The following PCYT1A variants were observed in gnomAD, a reference collection of about 807,000 sequenced individuals.
PCYT1A encodes the protein choline-phosphate cytidylyltransferase A.
PCYT1A carries 25 observed loss-of-function variants against 43.7 expected under a neutral mutation model. The observed-to-expected ratio is 0.57, with a 90% CI of 0.42 to 0.80. PCYT1A has a LOEUF of 0.80. PCYT1A is among the 30% of genes least tolerant of loss of function. The probability of loss-of-function intolerance (pLI) is 0.00; values close to 1 mark genes in which losing one functional copy is unlikely to be tolerated. For missense variants in PCYT1A, 421 were observed against 474.2 expected, an observed-to-expected ratio of 0.89 and a Z score of 1.04; for synonymous variants, 172 against 170.7, an observed-to-expected ratio of 1.01 and a Z score of -0.06.
At chr3:196,243,450 T>C (rs1387931209) in intron 5 of PCYT1A, among the ~76,000 whole-genome samples, 1 of 152,180 alleles carries the variant, frequency 6.6e-6, no homozygotes, top group African/African-American at 2.4e-5. Context: ...GATACATCTA[T>C]TGGCCTGAGA....
Position 196,268,116 on chromosome 3 carries a change from A to G in PCYT1A, c.117+2299T>C, listed in dbSNP as rs1725330318. Among the ~76,000 whole-genome samples, 2 of 149,480 alleles carry G rather than the reference A, an allele frequency of 1.3e-5. No individual in the cohort carries two copies. The highest frequency in any genetic ancestry group is 2.1e-4 in the South Asian group (1 of 4,806). On this transcript the variant is annotated intron_variant, in intron 2 of 8. Coordinates refer to ENST00000431016, the MANE Select transcript of PCYT1A (RefSeq NM_001312673.2). The surrounding 1 kb of genome is among the most constrained non-coding windows in gnomAD (Gnocchi z 4.4). ...GTAATTTAAAGCATTAAGACTCCCC[A>G]GAAGAATTTAAAAAAAAAAAAGATT... is the stretch of plus-strand genomic sequence containing the variant.
Position 196,241,414 on chromosome 3 carries a change from CT to C in PCYT1A, c.708+533del. 3.9e-6 allele frequency: 3 copies of C among 775,014 alleles called. No homozygotes were observed. In the South Asian group the frequency reaches 4.6e-5, roughly 12 times the overall value. 48.0% of individuals were successfully genotyped at this position (775,014 alleles called of 1,614,324 possible). A position where few individuals can be genotyped will look rare whatever the true frequency, so the allele number is the denominator to read the frequency against. On this transcript the variant is annotated intron_variant, in intron 7 of 8. Transcript: ENST00000431016. ...TTGCCCCCAGACTGGTCTCAAACTC[CT>C]GGCCTCAAGCAGTCCTCCCGCCTCA...
rs1336562461 is a variant in PCYT1A, at chr3:196,234,435, GAACA to G, written c.*4249_*4252del. The stretch of plus-strand genomic sequence containing the variant: ...TCCAAAATAACTCAGAACAAACTAA[GAACA>G]GACAGGAAAATTACAGACTGAACCC... On this transcript the variant is annotated 3_prime_UTR_variant, in exon 9 of 9. Coordinates refer to ENST00000431016, the MANE Select transcript of PCYT1A (RefSeq NM_001312673.2). 2.0e-5 allele frequency: 3 copies of G among 152,184 alleles called. No homozygotes were observed. Among genetic ancestry groups the G allele is most frequent in the African/African-American group, 7.2e-5 (3 of 41,454 alleles). The allele number at this position is 152,184 out of a possible 1,614,324, so 9.4% of individuals were successfully genotyped here. A position where few individuals can be genotyped will look rare whatever the true frequency, so the allele number is the denominator to read the frequency against.
intron 8 of PCYT1A, among the ~76,000 whole-genome samples, 158 bp from the exon 9 acceptor site, chr3:196,239,052 T>C (rs1220587583): frequency 6.6e-6 from 1 of 152,174 alleles, no homozygotes; most frequent in Non-Finnish European, 1.5e-5. Flanking sequence ...CTCAATAATC[T>C]AGTCTAGGAT....
chr3:196,266,289 G>A (rs1012059054), intron 2 of PCYT1A, among the ~76,000 whole-genome samples: 18 of 150,480 alleles, frequency 1.2e-4, no homozygotes, highest in Admixed American at 2.6e-4. Context: ...TGGCTAACAC[G>A]GTGAAACCCC....
chr3:196,246,993 T>C (rs930570985), intron 5 of PCYT1A, among the ~76,000 whole-genome samples: 24 of 151,776 alleles, frequency 1.6e-4, no homozygotes, highest in Admixed American at 1.4e-3. Flanking sequence ...CGAGTTCAGT[T>C]CCCAGCCCTG....
intron 2 of PCYT1A, among the ~76,000 whole-genome samples, chr3:196,258,741 C>T (rs1309524598): frequency 1.3e-5 from 2 of 152,088 alleles, no homozygotes; most frequent in East Asian, 1.9e-4. Flanking sequence ...GCATACACTA[C>T]CCGACACCCA....
intron 3 of PCYT1A, among the ~76,000 whole-genome samples, chr3:196,256,391 G>A (rs1399118647): frequency 6.6e-6 from 1 of 152,050 alleles, no homozygotes; most frequent in African/African-American, 2.4e-5. Flanking sequence ...TCGGGAGGCT[G>A]GGGCAGAAGA....
At chr3:196,269,092 C>T (rs1192798142) in intron 2 of PCYT1A, among the ~76,000 whole-genome samples, 1 of 152,200 alleles carries the variant, frequency 6.6e-6, no homozygotes, top group African/African-American at 2.4e-5. Flanking sequence ...CTGCCAACAC[C>T]CTGATTTTAG....
Position 196,270,414 on chromosome 3 carries a change from C to T in PCYT1A, c.117+1G>A. On this transcript the variant is annotated splice_donor_variant, in intron 2 of 8. Coordinates refer to ENST00000431016, the MANE Select transcript of PCYT1A (RefSeq NM_001312673.2). LOFTEE classifies it high-confidence loss of function. ...CCCCTGCCAGGTTAATCTCCACTTA[C>T]CACTGCACAGCGCTGCACTTTGGAA... 2 of 1,601,378 alleles carry T rather than the reference C, an allele frequency of 1.2e-6. No homozygotes were observed. The highest frequency in any genetic ancestry group is 1.7e-6 in the Non-Finnish European group (2 of 1,168,392).
intron 3 of PCYT1A, among the ~76,000 whole-genome samples, chr3:196,256,432 C>T (rs1724954060): frequency 1.3e-5 from 2 of 151,996 alleles, no homozygotes; most frequent in Admixed American, 6.6e-5. Flanking sequence ...GGAGGTTGCA[C>T]TGAGCCAAGA....
chr3:196,244,554 G>A (rs1184343385), intron 5 of PCYT1A, among the ~76,000 whole-genome samples: 3 of 152,136 alleles, frequency 2.0e-5, no homozygotes, highest in African/African-American at 7.2e-5. Context: ...GGGAGGTGAG[G>A]AGCCCCTCTG....
intron 2 of PCYT1A, among the ~76,000 whole-genome samples, chr3:196,264,791 T>A (rs1402106277): frequency 6.6e-6 from 1 of 152,236 alleles, no homozygotes; most frequent in African/African-American, 2.4e-5. Context: ...CATAATTTCA[T>A]ACTGTATCAT....
chr3:196,255,150 G>A (rs546274293), intron 3 of PCYT1A, among the ~76,000 whole-genome samples: 2 of 152,218 alleles, frequency 1.3e-5, no homozygotes, highest in Admixed American at 1.3e-4. Context: ...TTACCTACTT[G>A]GTGATTTAAC....
Position 196,238,845 on chromosome 3 carries a change from G to A in PCYT1A, c.947C>T (p.Pro316Leu), listed in dbSNP as rs747402568. 3.2e-6 allele frequency: 5 copies of A among 1,540,662 alleles called. No homozygotes were observed. The highest frequency in any genetic ancestry group is 2.5e-5 in the South Asian group (2 of 80,824). ...AGGGCTGCTGCTGGGGCTCTGCTTC[G>A]GGCTGATGGCCTGCAGCATCCGGCC... Reference protein sequence around the residue: ...GKGRMLQAISPKQSPSSSPTR... With the variant: ...GKGRMLQAISLKQSPSSSPTR... Residue 316 changes from proline (P) to leucine (L), a missense_variant, in exon 9 of 9, where the codon CCG (proline) becomes CTG (leucine). Around this residue, in one of 3 missense-constraint regions of PCYT1A, gnomAD observed 108 missense variants for 85.7 expected, o/e 1.26. Transcript: ENST00000431016.
At position 196,278,276 on chromosome 3, in the gene PCYT1A, A is replaced by G. The variant is rs947083197; in HGVS notation, c.-10-7735T>C. Among the ~76,000 whole-genome samples the G allele has an allele frequency of 1.9e-4, 29 of 152,346 alleles. 1 individual carries two copies. The highest frequency in any genetic ancestry group is 7.0e-4 in the African/African-American group (29 of 41,584). ...GTAACCATTTGGAATACCTCCAACAATGAGGAACAATATTTCTTGGACTCT... is the reference window on the plus strand; with the variant it reads ...GTAACCATTTGGAATACCTCCAACAGTGAGGAACAATATTTCTTGGACTCT... On this transcript the variant is annotated intron_variant, in intron 1 of 8. Transcript: ENST00000431016.
intron 5 of PCYT1A, among the ~76,000 whole-genome samples, chr3:196,244,532 G>A (rs1273750977): frequency 6.6e-6 from 1 of 151,612 alleles, no homozygotes; most frequent in Non-Finnish European, 1.5e-5. Flanking sequence ...CCTCTGCCCG[G>A]CCGCCCCTAC....
Position 196,247,574 on chromosome 3 carries a change from C to A in PCYT1A, c.335-56G>T. The A allele has an allele frequency of 6.6e-7, 1 of 1,520,110 alleles. No homozygotes were observed. Among genetic ancestry groups the A allele is most frequent in the Non-Finnish European group, 9.1e-7 (1 of 1,094,878 alleles). 94.2% of individuals were successfully genotyped at this position (1,520,110 alleles called of 1,614,324 possible). A position where few individuals can be genotyped will look rare whatever the true frequency, so the allele number is the denominator to read the frequency against. On this transcript the variant is annotated intron_variant, in intron 4 of 8. Transcript: ENST00000431016. This position sits in a 1 kb window ranked among gnomAD's most constrained non-coding sequence, Gnocchi z 4.8. The stretch of plus-strand genomic sequence containing the variant: ...GAGTCCTCTTTGCTTAGCACCTCCT[C>A]AGCCACCGACCTCTCCCATCTTCTC...
In PCYT1A at chr3:196,242,195, G is replaced by T; in HGVS notation, c.566-105C>A. 4.3e-6 allele frequency: 5 copies of T among 1,152,156 alleles called. No homozygotes were observed. The highest frequency in any genetic ancestry group is 6.4e-6 in the Non-Finnish European group (5 of 781,476). The allele number at this position is 1,152,156 out of a possible 1,614,324, so 71.4% of individuals were successfully genotyped here. A position where few individuals can be genotyped will look rare whatever the true frequency, so the allele number is the denominator to read the frequency against. On this transcript the variant is annotated intron_variant, in intron 6 of 8. Transcript: ENST00000431016. This position sits in a 1 kb window ranked among gnomAD's most constrained non-coding sequence, Gnocchi z 4.2. ...AACATTCCTTTCCTTTCCTCAAAAA[G>T]CAGAATCTGTTATTACTAAATGAAA... is the stretch of plus-strand genomic sequence containing the variant.
Sources: allele counts gnomAD v4.1 joint callset (sites outside exome capture counted in the v4.1 genomes callset), GRCh38; gene constraint gnomAD v4.1.1; regional missense constraint gnomAD v4.1.1; non-coding constraint Gnocchi (gnomAD v3.1); transcripts MANE v1.5; gene names NCBI Gene and HGNC (gene_info 2026-07-23, HGNC 2026-07-21).